The following ITSN2 variants were observed in gnomAD, a reference collection of about 807,000 sequenced individuals.
ITSN2 encodes intersectin-2.
ITSN2 carries 156 observed loss-of-function variants against 243.7 expected under a neutral mutation model. The observed-to-expected ratio is 0.64, with a 90% CI of 0.56 to 0.73. The LOEUF (loss-of-function observed/expected upper bound fraction) is 0.73, where lower values mean the gene tolerates loss of function less well. Ranked by LOEUF, ITSN2 falls within the 30% of genes least tolerant of loss-of-function variation. The pLI is 0.00. For missense variants in ITSN2, 1,801 were observed against 1,996.1 expected, an observed-to-expected ratio of 0.90 and a Z score of 1.86; for synonymous variants, 703 against 699.9, an observed-to-expected ratio of 1.00 and a Z score of -0.07.
chr2:24,237,740 C>T (rs184255022), intron 29 of ITSN2, among the ~76,000 whole-genome samples: 12 of 152,212 alleles, frequency 7.9e-5, no homozygotes, highest in Admixed American at 7.2e-4. Context: ...CTCAGAACTC[C>T]GTTTCATCAT....
intron 10 of ITSN2, 81 bp downstream of exon 10, chr2:24,301,884 C>A: frequency 1.6e-6 from 2 of 1,258,130 alleles, no homozygotes; most frequent in South Asian, 1.6e-5. Flanking sequence ...AAATCAATGG[C>A]AGTGCAAATA....
chr2:24,347,429 G>A (rs1004410506), intron 1 of ITSN2, among the ~76,000 whole-genome samples: 1 of 152,116 alleles, frequency 6.6e-6, no homozygotes, highest in South Asian at 2.1e-4. Flanking sequence ...GCTCACGCCC[G>A]TAATCCCAGC....
intron 29 of ITSN2, among the ~76,000 whole-genome samples, chr2:24,232,663 C>T (rs1322688124): frequency 1.3e-5 from 2 of 152,080 alleles, no homozygotes; most frequent in Non-Finnish European, 2.9e-5. Context: ...ATCAATCCTC[C>T]GAATAACTGA....
chr2:24,240,570 C>T (rs1672608375), intron 29 of ITSN2: 1 of 152,168 alleles, frequency 6.6e-6, no homozygotes, highest in South Asian at 2.1e-4. Context: ...TCCCAAGCAT[C>T]ATAAAGTTAT....
Position 24,236,835 on chromosome 2 carries a change from GCTAT to G in ITSN2, c.3577+9290_3577+9293del, listed in dbSNP as rs141040899. Among the ~76,000 whole-genome samples, 640 of 150,966 alleles carry G rather than the reference GCTAT, an allele frequency of 4.2e-3. 19 individuals are homozygous for G. In the East Asian group the frequency reaches 0.072, roughly 17 times the overall value. Reference sequence around the variant, plus strand: ...CAGGCGTGCAGCAGCACCACTCCCAGCTATCTATCTATCTATCTATCTTTTATTT... The same window carrying G: ...CAGGCGTGCAGCAGCACCACTCCCAGCTATCTATCTATCTATCTTTTATTT... On this transcript the variant is annotated intron_variant, in intron 29 of 39. Transcript: ENST00000355123.
In ITSN2 at chr2:24,246,279, C is replaced by G. The variant is rs752091654; in HGVS notation, c.3427G>C (p.Glu1143Gln). The change falls in exon 29 of 40, where the codon GAA becomes CAA. Residue 1143 changes from glutamate (E) to glutamine (Q), a missense_variant. Around this residue, in one of 5 missense-constraint regions of ITSN2, gnomAD observed 928 missense variants for 1,065.4 expected, o/e 0.87. Transcript: ENST00000355123. ...IAMYDYAANNEDELSFSKGQL... is the reference protein window; with the variant it reads ...IAMYDYAANNQDELSFSKGQL... ...CCCTTGGAGAAACTGAGCTCATCTTCATTATTTGCTGCATAGTCATACATA... is the reference window on the plus strand; with the variant it reads ...CCCTTGGAGAAACTGAGCTCATCTTGATTATTTGCTGCATAGTCATACATA... 1.2e-6 allele frequency: 2 copies of G among 1,612,344 alleles called. No individual in the cohort carries two copies. The highest frequency in any genetic ancestry group is 1.7e-6 in the Non-Finnish European group (2 of 1,178,802).
chr2:24,274,567 C>A (rs762580794), intron 18 of ITSN2, among the ~76,000 whole-genome samples: 3 of 151,984 alleles, frequency 2.0e-5, no homozygotes, highest in Non-Finnish European at 4.4e-5. Flanking sequence ...GAGCAAGGAC[C>A]CTGTCTCAAA....
chr2:24,339,925 G>A (rs1686859362), intron 1 of ITSN2, among the ~76,000 whole-genome samples: 1 of 152,052 alleles, frequency 6.6e-6, no homozygotes, highest in Non-Finnish European at 1.5e-5. Context: ...TACTCAGGAA[G>A]TAGCTACTCA....
intron 36 of ITSN2, 81 bp downstream of exon 36, chr2:24,209,019 C>T: frequency 2.0e-6 from 3 of 1,515,758 alleles, no homozygotes; most frequent in Non-Finnish European, 2.7e-6. Flanking sequence ...TTAAGCACGG[C>T]TGGAGATGGG....
intron 1 of ITSN2, among the ~76,000 whole-genome samples, chr2:24,353,787 A>G (rs1377842174): frequency 3.9e-5 from 6 of 152,246 alleles, no homozygotes; most frequent in Admixed American, 2.0e-4. Flanking sequence ...TGTCATAAGG[A>G]AATAACAGTA....
chr2:24,240,198 A>G (rs2151251343), intron 29 of ITSN2: 1 of 152,292 alleles, frequency 6.6e-6, no homozygotes, highest in South Asian at 2.1e-4. Context: ...ATGGATTTAA[A>G]GTAACTGTCT....
chr2:24,283,427 T>C (rs1005167758), intron 17 of ITSN2, among the ~76,000 whole-genome samples: 15 of 152,284 alleles, frequency 9.9e-5, no homozygotes, highest in Middle Eastern at 6.8e-3. Flanking sequence ...GGTTTCACCA[T>C]GTTGGCCACG....
At position 24,249,170 on chromosome 2, in the gene ITSN2, C is replaced by T. The variant is rs1172551311; in HGVS notation, c.3121-288G>A. Among the ~76,000 whole-genome samples the T allele has an allele frequency of 6.6e-6, 1 of 152,138 alleles. No homozygotes were observed. Among genetic ancestry groups the T allele is most frequent in the Non-Finnish European group, 1.5e-5 (1 of 68,012 alleles). ...TCTGAAACCTAAATATTAAACATGA[C>T]CCTCCAGGCCAAATGCACTCCATTT... On this transcript the variant is annotated intron_variant, in intron 25 of 39. Coordinates refer to ENST00000355123, the MANE Select transcript of ITSN2 (RefSeq NM_006277.3). This position sits in a 1 kb window ranked among gnomAD's most constrained non-coding sequence, Gnocchi z 4.4.
intron 20 of ITSN2, among the ~76,000 whole-genome samples, chr2:24,266,523 T>C (rs1385536795): frequency 6.6e-6 from 1 of 152,212 alleles, no homozygotes; most frequent in Non-Finnish European, 1.5e-5. Context: ...ATGGCTAAAC[T>C]GTATGATGTC....
intron 36 of ITSN2, 58 bp from the exon 37 acceptor site, chr2:24,208,377 A>C: frequency 7.9e-7 from 1 of 1,269,018 alleles, no homozygotes; most frequent in African/African-American, 1.5e-5. Context: ...GTCAGCGTGG[A>C]GCCCCAGAGC....
chr2:24,330,226 C>A (rs1685620303), intron 1 of ITSN2, among the ~76,000 whole-genome samples: 2 of 152,190 alleles, frequency 1.3e-5, no homozygotes, highest in Admixed American at 1.3e-4. Flanking sequence ...CTAAAACTTA[C>A]AAATCATCTG....
intron 1 of ITSN2, among the ~76,000 whole-genome samples, chr2:24,347,996 A>G (rs1193831860): frequency 6.6e-6 from 1 of 152,042 alleles, no homozygotes; most frequent in African/African-American, 2.4e-5. Context: ...GGATCACTTG[A>G]ACCCAAGAGT....
At chr2:24,319,860 C>T (rs954763137) in intron 2 of ITSN2, among the ~76,000 whole-genome samples, 3 of 152,138 alleles carry the variant, frequency 2.0e-5, no homozygotes, top group African/African-American at 7.2e-5. Context: ...AACTTGCCTC[C>T]CTCCAAAAAC....
chr2:24,215,467 A>G (rs894208884), intron 32 of ITSN2, among the ~76,000 whole-genome samples: 3 of 151,974 alleles, frequency 2.0e-5, no homozygotes, highest in African/African-American at 7.2e-5. Context: ...AGGAGTTCGA[A>G]ATCAACCTGG....
Sources: allele counts gnomAD v4.1 joint callset (sites outside exome capture counted in the v4.1 genomes callset), GRCh38; gene constraint gnomAD v4.1.1; regional missense constraint gnomAD v4.1.1; non-coding constraint Gnocchi (gnomAD v3.1); transcripts MANE v1.5; gene names NCBI Gene and HGNC (gene_info 2026-07-23, HGNC 2026-07-21).